The following PCDHA4 variants were observed in gnomAD, a reference collection of about 807,000 sequenced individuals.
The protein encoded by PCDHA4 is protocadherin alpha 4.
In PCDHA4, 49 loss-of-function variants were observed where a neutral mutation model predicts 61.4. The ratio of observed to expected loss-of-function variants is 0.80; its 90% confidence interval spans 0.63 to 1.01. The LOEUF is 1.01. Ranked by LOEUF, PCDHA4 falls within the 50% of genes least tolerant of loss-of-function variation. The probability of loss-of-function intolerance (pLI) is 0.00; values close to 1 mark genes in which losing one functional copy is unlikely to be tolerated. For synonymous variants in PCDHA4, 590 were observed against 550.3 expected (o/e 1.07, Z -1.01); for missense variants, 1,254 against 1,235.8 (o/e 1.01, Z -0.22).
intron 1 of PCDHA4, chr5:140,869,951 C>G (rs2051525824): frequency 6.2e-7 from 1 of 1,611,984 alleles, no homozygotes. Context: ...TCCTTAATGT[C>G]AATTAAGCCC....
At chr5:140,858,419 G>C (rs2045401110) in intron 1 of PCDHA4, 1 of 1,559,254 alleles carries the variant, frequency 6.4e-7, no homozygotes. Flanking sequence ...GTCTATTGGA[G>C]GGGACCACTC....
At chr5:140,827,398 G>A (rs1232238137) in intron 1 of PCDHA4, among the ~76,000 whole-genome samples, 1 of 152,200 alleles carries the variant, frequency 6.6e-6, no homozygotes, top group East Asian at 1.9e-4. Flanking sequence ...TAAATTAAAT[G>A]TGATAAAGAA....
At chr5:140,875,561 A>G in intron 1 of PCDHA4, 1 of 1,614,128 alleles carries the variant, frequency 6.2e-7, no homozygotes, top group Non-Finnish European at 8.5e-7. Flanking sequence ...GGGAGCGGCC[A>G]GCTCCACTAC....
rs199727548 is a variant in PCDHA4, at chr5:140,829,646, G to C, written c.2385+20074G>C. ...GCACGCGGAGAGCGGCAAGGTGTAC[G>C]CGCTGCAGCCGCTGGACCACGAGGA... On this transcript the variant is annotated intron_variant, in intron 1 of 3. Transcript: ENST00000530339. 1 of 1,612,258 alleles carries C rather than the reference G, an allele frequency of 6.2e-7. No individual in the cohort carries two copies. Among genetic ancestry groups the C allele is most frequent in the Admixed American group, 1.7e-5 (1 of 59,998 alleles).
chr5:140,823,279 C>T lies in PCDHA4; in HGVS notation c.2385+13707C>T, dbSNP rs140654699. 29 of 1,612,318 alleles carry T rather than the reference C, an allele frequency of 1.8e-5. No homozygotes were observed. The highest frequency in any genetic ancestry group is 2.2e-5 in the Non-Finnish European group (26 of 1,179,758). On this transcript the variant is annotated intron_variant, in intron 1 of 3. Coordinates refer to ENST00000530339, the MANE Select transcript of PCDHA4 (RefSeq NM_018907.4). ...GGTGGAGCGGCGGGTGGGCGAGCGC[C>T]CGCTGTCGAGTTACGTTTCGGTGCA...
chr5:140,963,365 T>C (rs2095759439), intron 1 of PCDHA4, among the ~76,000 whole-genome samples: 1 of 152,254 alleles, frequency 6.6e-6, no homozygotes. Flanking sequence ...CAAAGAACAT[T>C]AATTGAGCAC....
rs781989346 is a variant in PCDHA4 at position 140,869,537 on chromosome 5, C to CT, written c.2385+59966dup. 1.6e-5 allele frequency: 26 copies of CT among 1,614,202 alleles called. 1 individual carries two copies. The highest frequency in any genetic ancestry group is 1.9e-5 in the Non-Finnish European group (23 of 1,180,050). ...GAACAAAAGCTGCTGATTGCGGAAT[C>CT]TAAGCAATCGGACTCGCGTTTTCCA... On this transcript the variant is annotated intron_variant, in intron 1 of 3. Coordinates refer to ENST00000530339, the MANE Select transcript of PCDHA4 (RefSeq NM_018907.4).
At chr5:140,812,247 A>T (rs189584389) in intron 1 of PCDHA4, 1 of 151,858 alleles carries the variant, frequency 6.6e-6, no homozygotes, top group Non-Finnish European at 1.5e-5. Context: ...GGTAGTTTGT[A>T]TGTTTCTAGG....
chr5:140,843,773 T>G (rs2150366556), intron 1 of PCDHA4: 2 of 1,456,190 alleles, frequency 1.4e-6, no homozygotes, highest in Non-Finnish European at 1.9e-6. Context: ...GTAGTTACTT[T>G]AAAAGTGTTT....
chr5:140,925,806 C>A (rs2082736423), intron 1 of PCDHA4, among the ~76,000 whole-genome samples: 1 of 152,148 alleles, frequency 6.6e-6, no homozygotes, highest in South Asian at 2.1e-4. Flanking sequence ...TTCCCCTCCA[C>A]TTCTCACGTC....
chr5:140,967,477 C>T (rs782240426), intron 1 of PCDHA4: 1 of 1,613,396 alleles, frequency 6.2e-7, no homozygotes, highest in Non-Finnish European at 8.5e-7. Flanking sequence ...TCCCAGCCCG[C>T]TCGGGTACGG....
chr5:140,869,137 C>G, intron 1 of PCDHA4: 3 of 1,613,116 alleles, frequency 1.9e-6, no homozygotes, highest in African/African-American at 1.3e-5. Context: ...ATTGGGCACC[C>G]CACGACTACA....
chr5:140,828,715 C>A (rs1301928417), intron 1 of PCDHA4: 2 of 1,614,156 alleles, frequency 1.2e-6, no homozygotes, highest in Non-Finnish European at 1.7e-6. Flanking sequence ...CTCCTGCACA[C>A]AACTTATTCC....
At chr5:140,812,028 T>G (rs1340307203) in intron 1 of PCDHA4, 1 of 148,898 alleles carries the variant, frequency 6.7e-6, no homozygotes, top group Non-Finnish European at 1.5e-5. Flanking sequence ...TTAAAATGAG[T>G]TTGGAAGTGT....
chr5:140,991,244 G>A (rs535469323), intron 3 of PCDHA4, among the ~76,000 whole-genome samples: 2 of 152,278 alleles, frequency 1.3e-5, no homozygotes, highest in South Asian at 4.1e-4. Flanking sequence ...GGTAAAGGCA[G>A]TATTTGAACT....
In PCDHA4 at chr5:140,983,247, G is replaced by A. The variant is rs112993813; in HGVS notation, c.2533+684G>A. ...ACTTTCAGGAAAGAGAACCTGCTAA[G>A]TTGTGTAAAAAACCTAATGGCTGGG... On this transcript the variant is annotated intron_variant, in intron 3 of 3. Coordinates refer to ENST00000530339, the MANE Select transcript of PCDHA4 (RefSeq NM_018907.4). Among the ~76,000 whole-genome samples the A allele has an allele frequency of 9.0e-3, 1,377 of 152,306 alleles. 16 individuals are homozygous for A. The highest frequency in any genetic ancestry group is 0.043 in the East Asian group (224 of 5,190).
rs1554263795 is a variant in PCDHA4 at position 141,012,061 on chromosome 5, C to T, written c.*2124C>T. 1 of 153,730 alleles carries T rather than the reference C, an allele frequency of 6.5e-6. No homozygotes were observed. The highest frequency in any genetic ancestry group is 1.9e-4 in the East Asian group (1 of 5,194). The allele number at this position is 153,730 out of a possible 1,614,324, so 9.5% of individuals were successfully genotyped here. A position where few individuals can be genotyped will look rare whatever the true frequency, so the allele number is the denominator to read the frequency against. The stretch of plus-strand genomic sequence containing the variant: ...CATGGGGTAAAACTTGTTACCAACA[C>T]ATGTGAACCATTGCTACATTGTAGG... On this transcript the variant is annotated 3_prime_UTR_variant, in exon 4 of 4. Coordinates refer to ENST00000530339, the MANE Select transcript of PCDHA4 (RefSeq NM_018907.4).
intron 1 of PCDHA4, among the ~76,000 whole-genome samples, chr5:140,833,628 T>G (rs1343901945): frequency 2.0e-5 from 3 of 152,146 alleles, no homozygotes; most frequent in African/African-American, 7.2e-5. Context: ...GAATACTTCC[T>G]CCTCAAAAAG....
intron 1 of PCDHA4, among the ~76,000 whole-genome samples, chr5:140,818,312 T>C (rs1195133759): frequency 6.6e-6 from 1 of 152,224 alleles, no homozygotes; most frequent in African/African-American, 2.4e-5. Flanking sequence ...TCTTTTACTT[T>C]AGGAATTTTA....
Sources: allele counts gnomAD v4.1 joint callset (sites outside exome capture counted in the v4.1 genomes callset), GRCh38; gene constraint gnomAD v4.1.1; transcripts MANE v1.5; gene names NCBI Gene and HGNC (gene_info 2026-07-23, HGNC 2026-07-21).